Variants in NME7 observed in about 807,000 individuals in gnomAD.
NME7 encodes the protein nucleoside diphosphate kinase 7.
In NME7, 41 loss-of-function variants were observed where a neutral mutation model predicts 49.1. The observed-to-expected ratio is 0.83, with a 90% CI of 0.65 to 1.08. The LOEUF (loss-of-function observed/expected upper bound fraction) is 1.08. NME7 is among the 50% of genes least tolerant of loss of function. The pLI is 0.00. For synonymous variants in NME7, 139 were observed against 150.6 expected, an observed-to-expected ratio of 0.92 and a Z score of 0.56; for missense variants, 423 against 463.4, an observed-to-expected ratio of 0.91 and a Z score of 0.80.
At chr1:169,355,367 TACACACAC>T (rs36138444) in intron 1 of NME7, among the ~76,000 whole-genome samples, 10 of 71,226 alleles carry the variant, frequency 1.4e-4, no homozygotes, top group East Asian at 8.4e-4. Flanking sequence ...ATATATATTA[TACACACAC>T]ACACACACAC....
At chr1:169,243,236 C>A (rs1275953777) in intron 7 of NME7, among the ~76,000 whole-genome samples, 2 of 151,778 alleles carry the variant, frequency 1.3e-5, no homozygotes, top group East Asian at 1.9e-4. Context: ...TAGAACCACA[C>A]AAATATGTCC....
rs1658260886 is a variant in NME7, at chr1:169,132,552, T to C, written c.*233A>G. 5 of 433,106 alleles carry C rather than the reference T, an allele frequency of 1.2e-5. No homozygotes were observed. In the South Asian group the frequency reaches 3.8e-4, roughly 33 times the overall value. The allele number at this position is 433,106 out of a possible 1,614,324, so 26.8% of individuals were successfully genotyped here. A position where few individuals can be genotyped will look rare whatever the true frequency, so the allele number is the denominator to read the frequency against. On this transcript the variant is annotated 3_prime_UTR_variant, in exon 12 of 12. Transcript: ENST00000367811. ...TCACTTGTTTGAAAATAAATCTTTA[T>C]TTTGAACTTTATAAAAAGCAATGCA...
intron 10 of NME7, among the ~76,000 whole-genome samples, chr1:169,223,402 T>C (rs943850214): frequency 6.6e-6 from 1 of 152,140 alleles, no homozygotes; most frequent in Non-Finnish European, 1.5e-5. Flanking sequence ...TTTGAAACTA[T>C]ATATATCCCA....
intron 7 of NME7, among the ~76,000 whole-genome samples, chr1:169,279,383 T>A (rs1404659577): frequency 6.6e-6 from 1 of 152,236 alleles, no homozygotes; most frequent in African/African-American, 2.4e-5. Context: ...TAAGCAAGCC[T>A]GGGCAATGGC....
intron 7 of NME7, among the ~76,000 whole-genome samples, chr1:169,250,135 AGT>A (rs1648500014): frequency 6.6e-6 from 1 of 151,886 alleles, no homozygotes; most frequent in East Asian, 1.9e-4. Flanking sequence ...TGTTTTGATT[AGT>A]GATTCAATCG....
chr1:169,195,622 C>A (rs931563332), intron 10 of NME7, among the ~76,000 whole-genome samples: 3 of 152,068 alleles, frequency 2.0e-5, no homozygotes, highest in Non-Finnish European at 2.9e-5. Context: ...AGGATTAGAG[C>A]AAATCGTTAT....
chr1:169,219,415 C>T (rs144944883), intron 10 of NME7, among the ~76,000 whole-genome samples: 3 of 152,154 alleles, frequency 2.0e-5, no homozygotes, highest in Non-Finnish European at 4.4e-5. Context: ...ATAGGTTCCA[C>T]GCAAATACTA....
intron 11 of NME7, among the ~76,000 whole-genome samples, chr1:169,167,906 G>A (rs1431341057): frequency 3.9e-5 from 6 of 152,142 alleles, no homozygotes; most frequent in Non-Finnish European, 7.3e-5. Flanking sequence ...GTAGCTAGTC[G>A]GGTATGAGCA....
chr1:169,357,938 A>G (rs1248095986), intron 1 of NME7, among the ~76,000 whole-genome samples: 1 of 152,104 alleles, frequency 6.6e-6, no homozygotes, highest in African/African-American at 2.4e-5. Context: ...ACACATGTTT[A>G]GCTGCCCCTA....
intron 11 of NME7, among the ~76,000 whole-genome samples, chr1:169,138,131 C>T (rs149632396): frequency 0.023 from 3,543 of 150,798 alleles, 125 homozygotes; most frequent in African/African-American, 0.081. Context: ...GCCAACATGG[C>T]GAAACCTCGT....
At chr1:169,329,170 T>C (rs1216288170) in intron 1 of NME7, among the ~76,000 whole-genome samples, 2 of 152,026 alleles carry the variant, frequency 1.3e-5, no homozygotes, top group African/African-American at 4.8e-5. Context: ...ACCAGTTTAG[T>C]GCTAACAACA....
intron 6 of NME7, among the ~76,000 whole-genome samples, chr1:169,296,357 T>C (rs1428158761): frequency 6.6e-6 from 1 of 152,190 alleles, no homozygotes; most frequent in Non-Finnish European, 1.5e-5. Flanking sequence ...CTGGTCATTC[T>C]CTCATTTTAG....
chr1:169,331,647 T>C lies in NME7; in HGVS notation c.4-7147A>G, dbSNP rs1046649742. Among the ~76,000 whole-genome samples the C allele has an allele frequency of 2.6e-5, 4 of 152,126 alleles. No individual in the cohort carries two copies. In the East Asian group the frequency reaches 5.8e-4, roughly 22 times the overall value. ...TGCAGGATACGAAATCATACAAATATCAGTGGTATTTCTATATGCCAACAG... is the reference window on the plus strand; with the variant it reads ...TGCAGGATACGAAATCATACAAATACCAGTGGTATTTCTATATGCCAACAG... On this transcript the variant is annotated intron_variant, in intron 1 of 11. Transcript: ENST00000367811.
intron 10 of NME7, among the ~76,000 whole-genome samples, chr1:169,207,936 A>C (rs1660716560): frequency 6.6e-6 from 1 of 152,152 alleles, no homozygotes; most frequent in Non-Finnish European, 1.5e-5. Context: ...GTTCTCTTCA[A>C]GGTCCCTGAA....
intron 8 of NME7, among the ~76,000 whole-genome samples, chr1:169,236,452 TA>T (rs1305713326): frequency 1.3e-5 from 2 of 152,140 alleles, no homozygotes; most frequent in African/African-American, 2.4e-5. Flanking sequence ...TTTTTAAAAT[TA>T]TTTTTTTCAT....
At chr1:169,248,326 A>AT (rs891492684) in intron 7 of NME7, among the ~76,000 whole-genome samples, 15 of 149,826 alleles carry the variant, frequency 1.0e-4, no homozygotes, top group East Asian at 7.8e-4. Flanking sequence ...TTTTGATGGG[A>AT]TTTTTTTTTC....
chr1:169,247,200 T>C (rs1052494735), intron 7 of NME7: 2 of 398,444 alleles, frequency 5.0e-6, no homozygotes, highest in African/African-American at 4.2e-5. Context: ...GGCTGGAAAC[T>C]GAAAACTGTG....
intron 3 of NME7, among the ~76,000 whole-genome samples, chr1:169,312,641 T>C (rs1418372212): frequency 1.3e-5 from 2 of 152,250 alleles, no homozygotes; most frequent in African/African-American, 4.8e-5. Flanking sequence ...CACAGAGCTA[T>C]GCAATAAATG....
At chr1:169,304,904 G>A (rs545154617) in intron 4 of NME7, among the ~76,000 whole-genome samples, 5 of 152,228 alleles carry the variant, frequency 3.3e-5, no homozygotes, top group South Asian at 4.1e-4. Context: ...GGGTAAAACT[G>A]AATAACTGAA....
Sources: allele counts gnomAD v4.1 joint callset (sites outside exome capture counted in the v4.1 genomes callset), GRCh38; gene constraint gnomAD v4.1.1; transcripts MANE v1.5; gene names NCBI Gene and HGNC (gene_info 2026-07-23, HGNC 2026-07-21).